Variants in PTPRM observed in about 807,000 individuals in gnomAD.
PTPRM encodes protein tyrosine phosphatase receptor type M.
A neutral mutation model predicts 186.7 loss-of-function variants in PTPRM; 47 were observed. The observed-to-expected ratio is 0.25, with a 90% CI of 0.20 to 0.32. The LOEUF (loss-of-function observed/expected upper bound fraction) is 0.32. Among genes scored for constraint, PTPRM ranks in the 10% least tolerant of loss-of-function variants. PTPRM has a pLI of 1.00. For missense variants in PTPRM, 1,494 were observed against 1,865.0 expected, an observed-to-expected ratio of 0.80 and a Z score of 3.66; for synonymous variants, 668 against 674.9, an observed-to-expected ratio of 0.99 and a Z score of 0.16.
Position 8,248,139 on chromosome 18 carries a change from G to A in PTPRM, c.2528-11G>A, listed in dbSNP as rs1341902524. ...CTTTCTCTGCATTGACCTGCTTACGGTGTATGACAGACCCATTTGTGCCAA... is the reference window on the plus strand; with the variant it reads ...CTTTCTCTGCATTGACCTGCTTACGATGTATGACAGACCCATTTGTGCCAA... On this transcript the variant is annotated splice_polypyrimidine_tract_variant and intron_variant, in intron 16 of 32. Transcript: ENST00000580170. 2 of 1,529,968 alleles carry A rather than the reference G, an allele frequency of 1.3e-6. No homozygotes were observed. Among genetic ancestry groups the A allele is most frequent in the South Asian group, 2.2e-5 (2 of 89,330 alleles). 94.8% of individuals were successfully genotyped at this position (1,529,968 alleles called of 1,614,324 possible). A position where few individuals can be genotyped will look rare whatever the true frequency, so the allele number is the denominator to read the frequency against.
At chr18:8,390,986 C>T (rs1344398652) in intron 31 of PTPRM, among the ~76,000 whole-genome samples, 2 of 148,180 alleles carry the variant, frequency 1.3e-5, no homozygotes, top group Admixed American at 1.3e-4. Flanking sequence ...TCCCGAATAG[C>T]CAATGAGCAT....
intron 4 of PTPRM, among the ~76,000 whole-genome samples, chr18:7,921,247 A>AAAAATCTTTTTTTTTT (rs2050843147): frequency 6.6e-6 from 1 of 151,914 alleles, no homozygotes; most frequent in Non-Finnish European, 1.5e-5. Context: ...ATTTTTCAGT[A>AAAAATCTTTTTTTTTT]TTTTGTAGAT....
chr18:8,031,790 C>T (rs1247947503), intron 7 of PTPRM, among the ~76,000 whole-genome samples: 3 of 152,142 alleles, frequency 2.0e-5, no homozygotes, highest in Non-Finnish European at 4.4e-5. Flanking sequence ...AGCAAATCAG[C>T]AGTCTTTTCT....
intron 22 of PTPRM, among the ~76,000 whole-genome samples, chr18:8,329,709 G>T (rs2095400993): frequency 1.3e-4 from 1 of 7,524 alleles, no homozygotes; most frequent in South Asian, 0.12. Context: ...GAATTACCCA[G>T]TGTGGAGTAT....
intron 20 of PTPRM, among the ~76,000 whole-genome samples, chr18:8,312,660 G>A (rs76089966): frequency 2.2e-3 from 337 of 152,184 alleles, no homozygotes; most frequent in African/African-American, 8.0e-3. Flanking sequence ...GAAAGATTAA[G>A]TAACTGGCCC....
At chr18:7,622,340 C>T (rs758294676) in intron 1 of PTPRM, among the ~76,000 whole-genome samples, 4 of 152,164 alleles carry the variant, frequency 2.6e-5, no homozygotes, top group Non-Finnish European at 5.9e-5. Context: ...TACCCTCTCA[C>T]ACCCTCCTTA....
At chr18:8,301,179 T>C (rs1369994890) in intron 20 of PTPRM, among the ~76,000 whole-genome samples, 1 of 152,226 alleles carries the variant, frequency 6.6e-6, no homozygotes, top group African/African-American at 2.4e-5. Context: ...AGTGGTGTAA[T>C]GATCACATTC....
At chr18:7,728,493 G>T (rs2040592694) in intron 1 of PTPRM, among the ~76,000 whole-genome samples, 1 of 152,240 alleles carries the variant, frequency 6.6e-6, no homozygotes, top group Admixed American at 6.5e-5. Context: ...GCTCCGCCCA[G>T]TTCCCTCAGG....
intron 1 of PTPRM, among the ~76,000 whole-genome samples, chr18:7,770,013 C>G (rs1457918771): frequency 6.6e-6 from 1 of 152,128 alleles, no homozygotes; most frequent in South Asian, 2.1e-4. Context: ...TGATTCCCCC[C>G]TGTGAAACAT....
intron 24 of PTPRM, among the ~76,000 whole-genome samples, chr18:8,371,361 C>T (rs2095661642): frequency 6.6e-6 from 1 of 152,118 alleles, no homozygotes; most frequent in South Asian, 2.1e-4. Context: ...GGTAAATTTC[C>T]TTCATGGTGT....
intron 1 of PTPRM, among the ~76,000 whole-genome samples, chr18:7,765,543 GT>G (rs1412522450): frequency 2.0e-5 from 3 of 151,528 alleles, no homozygotes; most frequent in East Asian, 3.9e-4. Context: ...TGTTGGTATA[GT>G]TTTTTTTTAA....
At chr18:7,599,541 G>A (rs1336735543) in intron 1 of PTPRM, among the ~76,000 whole-genome samples, 2 of 152,164 alleles carry the variant, frequency 1.3e-5, no homozygotes, top group African/African-American at 2.4e-5. Flanking sequence ...GCTCCCAACA[G>A]CTCTCATCAT....
At chr18:7,992,319 A>G (rs919910814) in intron 7 of PTPRM, among the ~76,000 whole-genome samples, 3 of 152,182 alleles carry the variant, frequency 2.0e-5, no homozygotes, top group Admixed American at 6.5e-5. Context: ...TCTTACTACA[A>G]TCAAGTAATT....
chr18:7,929,154 G>A (rs1173620138), intron 5 of PTPRM, among the ~76,000 whole-genome samples: 1 of 152,068 alleles, frequency 6.6e-6, no homozygotes, highest in Non-Finnish European at 1.5e-5. Flanking sequence ...TGCACCCAGG[G>A]TTGGAAATTA....
chr18:8,229,903 C>T (rs1367711483), intron 14 of PTPRM, among the ~76,000 whole-genome samples: 1 of 152,200 alleles, frequency 6.6e-6, no homozygotes, highest in Non-Finnish European at 1.5e-5. Flanking sequence ...CACCTCTTTG[C>T]TTCTTTTGCT....
chr18:8,092,993 A>C (rs1247934223), intron 11 of PTPRM, among the ~76,000 whole-genome samples: 2 of 152,108 alleles, frequency 1.3e-5, no homozygotes, highest in East Asian at 3.9e-4. Context: ...ACCCTCTACC[A>C]AAAAAATTTT....
intron 14 of PTPRM, among the ~76,000 whole-genome samples, chr18:8,197,899 A>G (rs550746868): frequency 5.9e-5 from 9 of 152,334 alleles, no homozygotes; most frequent in Middle Eastern, 3.4e-3. Flanking sequence ...AACTCCATGC[A>G]GGACTTCACC....
At chr18:8,244,366 G>A (rs1856893809) in intron 15 of PTPRM, among the ~76,000 whole-genome samples, 157 bp downstream of exon 15, 1 of 151,986 alleles carries the variant, frequency 6.6e-6, no homozygotes, top group East Asian at 1.9e-4. Flanking sequence ...TGTGCCACAG[G>A]TTGCTTAGCA....
intron 1 of PTPRM, among the ~76,000 whole-genome samples, chr18:7,676,121 G>A (rs754406435): frequency 6.6e-6 from 1 of 152,084 alleles, no homozygotes; most frequent in African/African-American, 2.4e-5. Flanking sequence ...ATTCAGACTT[G>A]GCTCTTATTC....
Sources: gnomAD v4.1 joint callset for allele counts (sites outside exome capture counted in the v4.1 genomes callset) on GRCh38, gnomAD v4.1.1 for gene constraint, MANE v1.5 for transcripts, NCBI Gene and HGNC (gene_info 2026-07-23, HGNC 2026-07-21) for gene names.